The following TBC1D5 variants were observed in gnomAD, a reference collection of about 807,000 sequenced individuals.
TBC1D5 encodes the protein TBC1 domain family member 5.
In TBC1D5, 75 loss-of-function variants were observed where a neutral mutation model predicts 100.3. That is an observed-to-expected ratio of 0.75 (90% CI 0.62 to 0.91). The LOEUF (loss-of-function observed/expected upper bound fraction) is 0.91, where lower values mean the gene tolerates loss of function less well. TBC1D5 is among the 40% of genes least tolerant of loss of function. TBC1D5 has a pLI of 0.00. For missense variants in TBC1D5, 910 were observed against 942.4 expected (o/e 0.97, Z 0.45); for synonymous variants, 323 against 325.6 (o/e 0.99, Z 0.09).
chr3:17,726,444 G>T (rs1486137795), intron 1 of TBC1D5, among the ~76,000 whole-genome samples: 1 of 152,148 alleles, frequency 6.6e-6, no homozygotes, highest in Non-Finnish European at 1.5e-5. Context: ...GGTTTGATTT[G>T]CATTTCCCTA....
chr3:17,356,839 T>C (rs116259973), intron 13 of TBC1D5, among the ~76,000 whole-genome samples: 1,763 of 152,264 alleles, frequency 0.012, 38 homozygotes, highest in African/African-American at 0.039. Context: ...TCTCCCATTC[T>C]CTTGGGACTT....
chr3:17,631,979 T>A (rs1383709766), intron 1 of TBC1D5, among the ~76,000 whole-genome samples: 1 of 152,258 alleles, frequency 6.6e-6, no homozygotes, highest in African/African-American at 2.4e-5. Context: ...TCAAGTCTTA[T>A]TATTTAAGAA....
At chr3:17,400,970 T>C (rs1435898137) in intron 8 of TBC1D5, among the ~76,000 whole-genome samples, 1 of 152,104 alleles carries the variant, frequency 6.6e-6, no homozygotes, top group Non-Finnish European at 1.5e-5. Flanking sequence ...ACTGGCTTCC[T>C]TGCTTGTCAG....
chr3:17,678,836 A>T (rs1440353703), intron 1 of TBC1D5, among the ~76,000 whole-genome samples: 1 of 151,106 alleles, frequency 6.6e-6, no homozygotes, highest in Non-Finnish European at 1.5e-5. Context: ...ATGATCCTAA[A>T]GCCTTCTAGA....
At chr3:17,378,889 T>C (rs762345496) in intron 9 of TBC1D5, among the ~76,000 whole-genome samples, 17 of 151,802 alleles carry the variant, frequency 1.1e-4, no homozygotes, top group Non-Finnish European at 2.4e-4. Flanking sequence ...CCATCTTCAA[T>C]AAATTCAATC....
chr3:17,300,398 TTTTGACATCAA>T (rs1458741972), intron 14 of TBC1D5, among the ~76,000 whole-genome samples: 1 of 152,206 alleles, frequency 6.6e-6, no homozygotes, highest in Non-Finnish European at 1.5e-5. Flanking sequence ...AATAAATGCA[TTTTGACATCAA>T]TATGACATTG....
intron 13 of TBC1D5, among the ~76,000 whole-genome samples, chr3:17,344,803 A>T (rs1289544470): frequency 6.6e-6 from 1 of 152,218 alleles, no homozygotes; most frequent in East Asian, 1.9e-4. Context: ...CCTGAGAAAA[A>T]CAAGCAATGG....
chr3:17,197,902 T>G (rs1482076295), intron 18 of TBC1D5, among the ~76,000 whole-genome samples: 1 of 152,132 alleles, frequency 6.6e-6, no homozygotes, highest in Non-Finnish European at 1.5e-5. Context: ...CTGGACATGG[T>G]GGCTCGCGCC....
intron 19 of TBC1D5, among the ~76,000 whole-genome samples, chr3:17,170,730 G>A (rs2067095543): frequency 6.6e-6 from 1 of 152,118 alleles, no homozygotes; most frequent in African/African-American, 2.4e-5. Context: ...TCTCTTTAGA[G>A]GCAAGGACCT....
chr3:17,731,043 G>GAAC (rs2076510880), intron 1 of TBC1D5, among the ~76,000 whole-genome samples: 2 of 152,068 alleles, frequency 1.3e-5, no homozygotes, highest in Admixed American at 1.3e-4. Context: ...AAGCTTCCTG[G>GAAC]AACAGAGTGG....
intron 12 of TBC1D5, among the ~76,000 whole-genome samples, chr3:17,372,820 T>C (rs2092533597): frequency 6.6e-6 from 1 of 152,214 alleles, no homozygotes; most frequent in Non-Finnish European, 1.5e-5. Flanking sequence ...CCAAATACGC[T>C]TACAGTAGCT....
At chr3:17,187,124 T>C (rs1273811165) in intron 18 of TBC1D5, among the ~76,000 whole-genome samples, 1 of 152,206 alleles carries the variant, frequency 6.6e-6, no homozygotes, top group East Asian at 1.9e-4. Context: ...TGCTTAATAA[T>C]GATTGAGGTT....
rs1282554506 is a variant in TBC1D5, at chr3:17,240,571, T to G, written c.1332-2152A>C. Among the ~76,000 whole-genome samples, 4 of 152,082 alleles carry G rather than the reference T, an allele frequency of 2.6e-5. No homozygotes were observed. In the South Asian group the frequency reaches 8.3e-4, roughly 31 times the overall value. On this transcript the variant is annotated intron_variant, in intron 16 of 21. Coordinates refer to ENST00000253692, the Ensembl canonical transcript of TBC1D5. ...ATGTTTATTGAGAAAAAAGAATGAATGAAATGAAAAAACTCATAAATTCTG... is the reference window on the plus strand; with the variant it reads ...ATGTTTATTGAGAAAAAAGAATGAAGGAAATGAAAAAACTCATAAATTCTG...
intron 1 of TBC1D5, among the ~76,000 whole-genome samples, chr3:17,723,951 A>G (rs1443762991): frequency 6.6e-6 from 1 of 152,100 alleles, no homozygotes. Context: ...AAATATATCT[A>G]TCTATACATG....
intron 2 of TBC1D5, among the ~76,000 whole-genome samples, chr3:17,604,707 G>A (rs1487248647): frequency 6.6e-6 from 1 of 152,170 alleles, no homozygotes; most frequent in Non-Finnish European, 1.5e-5. Context: ...TTGAGACAGA[G>A]TCTGGCTGTG....
At chr3:17,341,861 AC>A (rs2151422321) in intron 13 of TBC1D5, among the ~76,000 whole-genome samples, 1 of 152,144 alleles carries the variant, frequency 6.6e-6, no homozygotes, top group Non-Finnish European at 1.5e-5. Context: ...TCCCACCCCA[AC>A]TTTTATCTTC....
At chr3:17,480,451 C>T (rs1476970494) in intron 3 of TBC1D5, among the ~76,000 whole-genome samples, 2 of 152,192 alleles carry the variant, frequency 1.3e-5, no homozygotes, top group South Asian at 2.1e-4. Context: ...TGCCCTTGGA[C>T]GAACCAGCAT....
chr3:17,175,767 A>C lies in TBC1D5; in HGVS notation c.1853-7939T>G, dbSNP rs531394911. On this transcript the variant is annotated intron_variant, in intron 19 of 21. Transcript: ENST00000253692. ...CTTAAGATAAATATATATGTTGTGC[A>C]TTTCAGGCCATAAAGGTTTTGCTGA... 1.2e-4 allele frequency among the ~76,000 whole-genome samples: 19 copies of C among 152,342 alleles called. No homozygotes were observed. In the East Asian group the frequency reaches 3.1e-3, roughly 25 times the overall value.
intron 13 of TBC1D5, among the ~76,000 whole-genome samples, chr3:17,361,761 T>C (rs536089176): frequency 1.3e-5 from 2 of 152,002 alleles, no homozygotes; most frequent in African/African-American, 4.8e-5. Flanking sequence ...AAGTAACTTA[T>C]AGCAATAAAA....
Sources: gnomAD v4.1 joint callset for allele counts (sites outside exome capture counted in the v4.1 genomes callset) on GRCh38, gnomAD v4.1.1 for gene constraint, MANE v1.5 for transcripts, NCBI Gene and HGNC (gene_info 2026-07-23, HGNC 2026-07-21) for gene names.